Variants in KIF26B observed in about 807,000 individuals in gnomAD.
KIF26B encodes the protein kinesin-like protein KIF26B.
Under a neutral mutation model 151.2 loss-of-function variants are expected in KIF26B, and 63 were observed. That is an observed-to-expected ratio of 0.42 (90% confidence interval 0.34 to 0.51). The LOEUF is 0.51. KIF26B is among the 20% of genes least tolerant of loss of function. KIF26B has a pLI of 0.07. For synonymous variants in KIF26B, 1,357 were observed against 1,262.1 expected, an observed-to-expected ratio of 1.08 and a Z score of -1.59; for missense variants, 2,813 against 2,913.6, an observed-to-expected ratio of 0.97 and a Z score of 0.79.
At chr1:245,651,291 C>T (rs1428758814) in intron 10 of KIF26B, among the ~76,000 whole-genome samples, 1 of 152,236 alleles carries the variant, frequency 6.6e-6, no homozygotes, top group Non-Finnish European at 1.5e-5. Context: ...AAGGAAATGA[C>T]ACTTCATAAG....
intron 10 of KIF26B, among the ~76,000 whole-genome samples, chr1:245,658,082 A>G (rs1227147932): frequency 6.6e-6 from 1 of 152,136 alleles, no homozygotes; most frequent in Non-Finnish European, 1.5e-5. Context: ...GTGTCCCCCC[A>G]AAACATACTG....
chr1:245,585,178 A>AG (rs1200140493), intron 5 of KIF26B, among the ~76,000 whole-genome samples: 1 of 152,292 alleles, frequency 6.6e-6, no homozygotes, highest in African/African-American at 2.4e-5. Flanking sequence ...AAACTCTGGG[A>AG]GGGGAAACCA....
chr1:245,436,659 A>T (rs1051474743), intron 4 of KIF26B, among the ~76,000 whole-genome samples: 9 of 152,182 alleles, frequency 5.9e-5, no homozygotes, highest in Admixed American at 4.6e-4. Context: ...TACTGACTTT[A>T]AGTGTTAATA....
chr1:245,508,000 C>T (rs1660758639), intron 4 of KIF26B, among the ~76,000 whole-genome samples: 2 of 152,068 alleles, frequency 1.3e-5, no homozygotes, highest in African/African-American at 2.4e-5. Flanking sequence ...TGTGGAAGAT[C>T]GGGTTCCAGA....
intron 2 of KIF26B, among the ~76,000 whole-genome samples, chr1:245,169,998 G>A (rs1668683119): frequency 2.0e-5 from 3 of 152,024 alleles, no homozygotes; most frequent in African/African-American, 7.2e-5. Context: ...TGTTCACTTT[G>A]TTTTTTGTTT....
chr1:245,333,181 G>A (rs1672147813), intron 2 of KIF26B, among the ~76,000 whole-genome samples: 1 of 152,176 alleles, frequency 6.6e-6, no homozygotes, highest in Admixed American at 6.5e-5. Context: ...CCAAAAGAGG[G>A]AAGCAACACC....
intron 2 of KIF26B, among the ~76,000 whole-genome samples, chr1:245,237,089 G>A (rs189029479): frequency 1.0e-3 from 154 of 152,294 alleles, no homozygotes; most frequent in Non-Finnish European, 1.9e-3. Context: ...GCAGCACACT[G>A]GCTGGCTGGT....
intron 4 of KIF26B, among the ~76,000 whole-genome samples, chr1:245,486,996 T>A (rs997965469): frequency 3.9e-5 from 6 of 152,216 alleles, no homozygotes; most frequent in Admixed American, 6.5e-5. Flanking sequence ...TCGGACGTCC[T>A]GGGCCTGAGG....
intron 2 of KIF26B, among the ~76,000 whole-genome samples, chr1:245,224,705 A>AT (rs1352643667): frequency 6.6e-6 from 1 of 152,252 alleles, no homozygotes; most frequent in Non-Finnish European, 1.5e-5. Flanking sequence ...CATTTGCAAG[A>AT]TATGTATAAC....
chr1:245,572,427 G>A lies in KIF26B; in HGVS notation c.1351-30150G>A, dbSNP rs1225737980. ...GTGGCTGGTTTGAGGGTGTGGCCCC[G>A]GGAAAGGTGGCAGGACACACTTCTC... On this transcript the variant is annotated intron_variant, in intron 5 of 14. Coordinates refer to ENST00000407071, the MANE Select transcript of KIF26B (RefSeq NM_018012.4). This position sits in a 1 kb window ranked among gnomAD's most constrained non-coding sequence, Gnocchi z 4.2. Among the ~76,000 whole-genome samples, 5 of 152,012 alleles carry A rather than the reference G, an allele frequency of 3.3e-5. No homozygotes were observed. Among genetic ancestry groups the A allele is most frequent in the Middle Eastern group, 3.2e-3 (1 of 316 alleles).
At chr1:245,294,716 G>T (rs1558378673) in intron 2 of KIF26B, among the ~76,000 whole-genome samples, 1 of 152,142 alleles carries the variant, frequency 6.6e-6, no homozygotes. Flanking sequence ...CTTCTGGAGT[G>T]CAGGGGCATG....
At chr1:245,389,245 C>T (rs1673627770) in intron 3 of KIF26B, among the ~76,000 whole-genome samples, 2 of 152,116 alleles carry the variant, frequency 1.3e-5, no homozygotes, top group African/African-American at 4.8e-5. Context: ...TCCTGAGTAG[C>T]TGGGATTACA....
chr1:245,557,975 G>A (rs143639323), intron 5 of KIF26B, among the ~76,000 whole-genome samples: 78 of 152,262 alleles, frequency 5.1e-4, no homozygotes, highest in African/African-American at 1.8e-3. Flanking sequence ...TACTGCGAAC[G>A]CCCTTGATTC....
At chr1:245,668,407 C>G (rs1572189168) in intron 10 of KIF26B, among the ~76,000 whole-genome samples, 1 of 151,976 alleles carries the variant, frequency 6.6e-6, no homozygotes, top group African/African-American at 2.4e-5. Flanking sequence ...CACTAAAAAA[C>G]TCTAATCTTA....
chr1:245,207,762 G>A (rs923588323), intron 2 of KIF26B, among the ~76,000 whole-genome samples: 1 of 152,106 alleles, frequency 6.6e-6, no homozygotes, highest in African/African-American at 2.4e-5. Context: ...ACTTCCCACA[G>A]CTCCCCCCAA....
intron 5 of KIF26B, among the ~76,000 whole-genome samples, chr1:245,600,223 A>G (rs1018424888): frequency 8.4e-6 from 1 of 119,630 alleles, no homozygotes; most frequent in African/African-American, 3.2e-5. Context: ...TATTTTTAGT[A>G]GAGACGGGGT....
chr1:245,217,670 G>A (rs142732693), intron 2 of KIF26B, among the ~76,000 whole-genome samples: 106 of 152,126 alleles, frequency 7.0e-4, no homozygotes, highest in African/African-American at 2.4e-3. Context: ...GCGCCCGGTC[G>A]ATTGTTTTAT....
At chr1:245,233,441 C>T (rs1362795187) in intron 2 of KIF26B, among the ~76,000 whole-genome samples, 1 of 152,112 alleles carries the variant, frequency 6.6e-6, no homozygotes, top group Admixed American at 6.6e-5. Flanking sequence ...ACCTGAGGAC[C>T]AGTGGAAAGA....
intron 4 of KIF26B, among the ~76,000 whole-genome samples, chr1:245,506,078 C>T (rs1352735005): frequency 1.3e-5 from 2 of 152,142 alleles, no homozygotes; most frequent in African/African-American, 4.8e-5. Flanking sequence ...GTATTTCCAT[C>T]GAATTTTAGC....
Sources: gnomAD v4.1 joint callset for allele counts (sites outside exome capture counted in the v4.1 genomes callset) on GRCh38, gnomAD v4.1.1 for gene constraint, Gnocchi (gnomAD v3.1) non-coding constraint, MANE v1.5 for transcripts, NCBI Gene and HGNC (gene_info 2026-07-23, HGNC 2026-07-21) for gene names.